ADGRB3: variants seen among roughly 807,000 people sequenced by gnomAD.
ADGRB3 encodes adhesion G protein-coupled receptor B3.
ADGRB3 carries 37 observed loss-of-function variants against 193.4 expected under a neutral mutation model. That is an observed-to-expected ratio of 0.19 (90% CI 0.15 to 0.25). ADGRB3 has a LOEUF of 0.25. Ranked by LOEUF, ADGRB3 falls within the 10% of genes least tolerant of loss-of-function variation. The pLI, the probability that ADGRB3 is intolerant of heterozygous loss-of-function variation, is 1.00. For synonymous variants in ADGRB3, 690 were observed against 644.2 expected, an observed-to-expected ratio of 1.07 and a Z score of -1.08; for missense variants, 1,637 against 1,852.9, an observed-to-expected ratio of 0.88 and a Z score of 2.14.
intron 8 of ADGRB3, among the ~76,000 whole-genome samples, chr6:68,968,415 G>A (rs1038173899): frequency 1.3e-5 from 2 of 152,118 alleles, no homozygotes; most frequent in East Asian, 1.9e-4. Flanking sequence ...TTGAATCTTC[G>A]TTTTCTTATG....
chr6:68,696,204 TTTAAGTAAATCTTGGCAC>T (rs796814667), intron 3 of ADGRB3, among the ~76,000 whole-genome samples: 84 of 152,158 alleles, frequency 5.5e-4, no homozygotes, highest in African/African-American at 1.9e-3. Context: ...TCATTTTCTC[TTTAAGTAAATCTTGGCAC>T]TTAAGATTAT....
intron 3 of ADGRB3, among the ~76,000 whole-genome samples, chr6:68,735,427 TGATA>T (rs1266513876): frequency 6.6e-6 from 1 of 151,970 alleles, no homozygotes; most frequent in Non-Finnish European, 1.5e-5. Flanking sequence ...TAAATATATA[TGATA>T]GATAAGAATA....
At chr6:69,331,569 C>T in intron 23 of ADGRB3, 2 of 985,282 alleles carry the variant, frequency 2.0e-6, no homozygotes, top group Non-Finnish European at 1.2e-6. Context: ...TAACAGGGAG[C>T]AGAAACTGTC....
At chr6:69,148,052 A>G (rs1301192808) in intron 17 of ADGRB3, among the ~76,000 whole-genome samples, 1 of 152,152 alleles carries the variant, frequency 6.6e-6, no homozygotes, top group Non-Finnish European at 1.5e-5. Flanking sequence ...TCTTGTAGGC[A>G]AAAGATCACT....
chr6:68,812,226 A>G (rs1158810732), intron 3 of ADGRB3, among the ~76,000 whole-genome samples: 2 of 152,228 alleles, frequency 1.3e-5, no homozygotes, highest in African/African-American at 4.8e-5. Flanking sequence ...AGAGCTTGAA[A>G]TGCCAGGCTA....
chr6:69,230,458 A>G (rs1171515616), intron 17 of ADGRB3, among the ~76,000 whole-genome samples: 1 of 152,182 alleles, frequency 6.6e-6, no homozygotes, highest in Non-Finnish European at 1.5e-5. Context: ...CCACATATCA[A>G]TTTGCTTTAC....
intron 3 of ADGRB3, among the ~76,000 whole-genome samples, chr6:68,774,577 G>A (rs925213212): frequency 6.6e-6 from 1 of 151,894 alleles, no homozygotes; most frequent in Non-Finnish European, 1.5e-5. Flanking sequence ...ACCTATTATG[G>A]ATAGTAGGTA....
intron 3 of ADGRB3, among the ~76,000 whole-genome samples, chr6:68,688,545 C>T (rs552858220): frequency 6.6e-5 from 10 of 152,222 alleles, no homozygotes; most frequent in East Asian, 3.9e-4. Context: ...AAATTACCCA[C>T]GGCCATTGTT....
intron 20 of ADGRB3, among the ~76,000 whole-genome samples, chr6:69,281,938 G>A (rs1191532489): frequency 6.6e-6 from 1 of 152,106 alleles, no homozygotes; most frequent in Non-Finnish European, 1.5e-5. Context: ...CCTGATTTGG[G>A]CATGTCAGTG....
intron 17 of ADGRB3, among the ~76,000 whole-genome samples, chr6:69,149,604 T>G (rs1224161160): frequency 4.6e-5 from 7 of 152,060 alleles, no homozygotes; most frequent in African/African-American, 1.7e-4. Context: ...TGCTTGTGAA[T>G]GTTTTGTCAG....
At chr6:68,944,651 G>A (rs912381581) in intron 6 of ADGRB3, among the ~76,000 whole-genome samples, 1 of 151,654 alleles carries the variant, frequency 6.6e-6, no homozygotes, top group Non-Finnish European at 1.5e-5. Context: ...CACCCATTAT[G>A]CTAGAGGGAA....
At chr6:68,869,765 C>G (rs1157344650) in intron 3 of ADGRB3, among the ~76,000 whole-genome samples, 1 of 131,280 alleles carries the variant, frequency 7.6e-6, no homozygotes, top group African/African-American at 3.0e-5. Context: ...CTTTTATTTG[C>G]AGGGGAGGGG....
rs548432004 is a variant in ADGRB3 at position 69,283,110 on chromosome 6, G to T, written c.2815-41762G>T. Among the ~76,000 whole-genome samples, 3 of 152,294 alleles carry T rather than the reference G, an allele frequency of 2.0e-5. No homozygotes were observed. In the South Asian group the frequency reaches 6.2e-4, roughly 32 times the overall value. On this transcript the variant is annotated intron_variant, in intron 20 of 31. Transcript: ENST00000370598. ...TGGCTGCTCCAAGCTCAGGATGTCA[G>T]AAGTGGAATAAAAGAAGATAAGCCT...
rs1178852808 is a variant in ADGRB3 at position 68,772,878 on chromosome 6, C to CAA, written c.757+133448_757+133449dup. 3.4e-3 allele frequency among the ~76,000 whole-genome samples: 54 copies of CAA among 15,668 alleles called. 1 individual carries two copies. Among genetic ancestry groups the CAA allele is most frequent in the Non-Finnish European group, 5.4e-3 (41 of 7,544 alleles). 10.3% of individuals were successfully genotyped at this position (15,668 alleles called of 152,430 possible). A position where few individuals can be genotyped will look rare whatever the true frequency, so the allele number is the denominator to read the frequency against. The stretch of plus-strand genomic sequence containing the variant: ...AAAAACAAACAAACAAACAAACAAA[C>CAA]AAACAAAAAAAAAAAAATATATATA... On this transcript the variant is annotated intron_variant, in intron 3 of 31. Coordinates refer to ENST00000370598, the MANE Select transcript of ADGRB3 (RefSeq NM_001704.3).
At chr6:68,690,942 C>A (rs1765062025) in intron 3 of ADGRB3, among the ~76,000 whole-genome samples, 1 of 152,054 alleles carries the variant, frequency 6.6e-6, no homozygotes, top group African/African-American at 2.4e-5. Flanking sequence ...TTAAGGAATT[C>A]TAATAATCAT....
At chr6:68,672,855 TG>T (rs1768999834) in intron 3 of ADGRB3, among the ~76,000 whole-genome samples, 1 of 152,124 alleles carries the variant, frequency 6.6e-6, no homozygotes, top group South Asian at 2.1e-4. Context: ...TGAAGCCTTC[TG>T]AGAAAAGACT....
In ADGRB3 at chr6:68,971,927, G is replaced by A. The variant is rs546337223; in HGVS notation, c.1526-2836G>A. Among the ~76,000 whole-genome samples the A allele has an allele frequency of 8.5e-5, 13 of 152,298 alleles. No individual in the cohort carries two copies. The South Asian group carries it at 2.7e-3, about 32-fold the overall frequency. ...CTGACGCTGCTGCTGCTCTCCCTAG[G>A]AGACACTTCCAAGGACCTCTGTGGC... is the stretch of plus-strand genomic sequence containing the variant. On this transcript the variant is annotated intron_variant, in intron 8 of 31. Transcript: ENST00000370598.
At chr6:68,718,802 A>G (rs2127321914) in intron 3 of ADGRB3, among the ~76,000 whole-genome samples, 1 of 151,842 alleles carries the variant, frequency 6.6e-6, no homozygotes, top group Non-Finnish European at 1.5e-5. Context: ...TTGGCAAATT[A>G]TGGTCTGCAG....
rs1768061182 is a variant in ADGRB3 at position 68,956,030 on chromosome 6, G to C, written c.1202G>C (p.Gly401Ala). The C allele has an allele frequency of 6.2e-7, 1 of 1,612,922 alleles. No homozygotes were observed. The highest frequency in any genetic ancestry group is 1.3e-5 in the African/African-American group (1 of 74,854). The change falls in exon 7 of 32, where the codon GGA becomes GCA. Residue 401 changes from glycine to alanine, a missense_variant. By Grantham distance (60) the Gly-to-Ala change is moderately conservative. This residue lies in a region of ADGRB3 where 641 missense variants were observed against 673.9 expected (regional missense o/e 0.95). Coordinates refer to ENST00000370598, the MANE Select transcript of ADGRB3 (RefSeq NM_001704.3). ...PCNIALCPVDGQWQEWSSWSQ... is the reference protein window; with the variant it reads ...PCNIALCPVDAQWQEWSSWSQ... Reference sequence around the variant, plus strand: ...TCTTTTTCTGCTTTGGTAGTTGATGGACAGTGGCAAGAGTGGAGTTCGTGG... The same window carrying C: ...TCTTTTTCTGCTTTGGTAGTTGATGCACAGTGGCAAGAGTGGAGTTCGTGG...
Sources: gnomAD v4.1 joint callset for allele counts (sites outside exome capture counted in the v4.1 genomes callset) on GRCh38, gnomAD v4.1.1 for gene constraint, gnomAD v4.1.1 regional missense constraint, MANE v1.5 for transcripts, NCBI Gene and HGNC (gene_info 2026-07-23, HGNC 2026-07-21) for gene names.